RANBP2: variants seen among roughly 807,000 people sequenced by gnomAD.
The protein encoded by RANBP2 is E3 SUMO-protein ligase RanBP2.
RANBP2 carries 57 observed loss-of-function variants against 303.6 expected under a neutral mutation model. The ratio of observed to expected loss-of-function variants is 0.19; its 90% confidence interval spans 0.15 to 0.23. The LOEUF (loss-of-function observed/expected upper bound fraction) is 0.23, where lower values mean the gene tolerates loss of function less well. Ranked by LOEUF, RANBP2 falls within the 10% of genes least tolerant of loss-of-function variation. The probability of loss-of-function intolerance (pLI) is 1.00; values close to 1 mark genes in which losing one functional copy is unlikely to be tolerated. For missense variants in RANBP2, 3,138 were observed against 3,780.8 expected (o/e 0.83, Z 4.46); for synonymous variants, 1,167 against 1,301.5 (o/e 0.90, Z 2.23).
chr2:109,385,405 C>T, the RANBP2 span, among the ~76,000 whole-genome samples: 2 of 152,200 alleles, frequency 1.3e-5, no homozygotes, highest in Non-Finnish European at 2.9e-5. Context: ...GAAGAAGCCC[C>T]CATGTCCTGT....
At chr2:109,384,764 G>A in the RANBP2 span, among the ~76,000 whole-genome samples, 2 of 152,084 alleles carry the variant, frequency 1.3e-5, no homozygotes, top group Non-Finnish European at 2.9e-5. Context: ...TAAAAGTTTC[G>A]AGCTCTGGTC....
chr2:109,067,305 A>G, the RANBP2 span, among the ~76,000 whole-genome samples: 2 of 152,192 alleles, frequency 1.3e-5, no homozygotes, highest in Non-Finnish European at 2.9e-5. Flanking sequence ...TTACCTCTCC[A>G]TCTATTTATA....
the RANBP2 span, among the ~76,000 whole-genome samples, chr2:109,512,276 C>T: frequency 5.9e-5 from 9 of 152,010 alleles, no homozygotes; most frequent in East Asian, 1.9e-4. Flanking sequence ...CCATGTGTCC[C>T]GGCCCTCCCT....
the RANBP2 span, among the ~76,000 whole-genome samples, chr2:108,830,672 G>C: frequency 2.0e-5 from 3 of 152,004 alleles, no homozygotes; most frequent in Admixed American, 2.0e-4. Context: ...GCTGGGTGTT[G>C]TGGTGGGCAC....
the RANBP2 span, chr2:109,449,285 G>A: frequency 1.2e-6 from 2 of 1,609,876 alleles, no homozygotes; most frequent in Non-Finnish European, 1.7e-6. Context: ...ACTCGGTGGT[G>A]TCCCCGCAGC....
At chr2:109,191,775 C>T in the RANBP2 span, among the ~76,000 whole-genome samples, 77,743 of 152,058 alleles carry the variant, frequency 0.51, 20,478 homozygotes, top group South Asian at 0.61. Context: ...ATCACAGTCA[C>T]AGTCACCTGT....
At chr2:109,409,922 G>T in the RANBP2 span, among the ~76,000 whole-genome samples, 1 of 152,104 alleles carries the variant, frequency 6.6e-6, no homozygotes, top group Admixed American at 6.5e-5. Flanking sequence ...GTGTTTTCTG[G>T]ACTTACATTA....
the RANBP2 span, among the ~76,000 whole-genome samples, chr2:109,650,560 C>T: frequency 6.6e-6 from 1 of 152,202 alleles, no homozygotes; most frequent in Non-Finnish European, 1.5e-5. Context: ...TGTGGTTTGA[C>T]TGTGTCCCCA....
chr2:109,343,671 C>A, the RANBP2 span, among the ~76,000 whole-genome samples: 1 of 152,074 alleles, frequency 6.6e-6, no homozygotes, highest in East Asian at 1.9e-4. Context: ...GGTGGGTTAC[C>A]ACCTGTGGAG....
the RANBP2 span, among the ~76,000 whole-genome samples, chr2:109,358,552 T>C: frequency 6.6e-6 from 1 of 152,226 alleles, no homozygotes; most frequent in South Asian, 2.1e-4. Context: ...CACATCCTCA[T>C]CAACACACTA....
chr2:108,837,114 G>C, the RANBP2 span, among the ~76,000 whole-genome samples: 1 of 152,108 alleles, frequency 6.6e-6, no homozygotes, highest in East Asian at 1.9e-4. Flanking sequence ...TGCTTGTCTT[G>C]TTCCTGATTT....
At chr2:109,682,779 T>TA in the RANBP2 span, among the ~76,000 whole-genome samples, 2 of 152,080 alleles carry the variant, frequency 1.3e-5, no homozygotes, top group African/African-American at 4.8e-5. Flanking sequence ...TCTCTATTAT[T>TA]TATATATATG....
At chr2:109,586,931 T>C in the RANBP2 span, among the ~76,000 whole-genome samples, 4 of 152,104 alleles carry the variant, frequency 2.6e-5, no homozygotes, top group Admixed American at 2.6e-4. Flanking sequence ...TTCAAGACTC[T>C]GCAGAAGAAG....
the RANBP2 span, among the ~76,000 whole-genome samples, chr2:109,633,582 C>T: frequency 2.0e-5 from 3 of 152,214 alleles, no homozygotes; most frequent in African/African-American, 7.2e-5. Context: ...CAAGAAGGGG[C>T]CATCCAGCAG....
chr2:109,446,428 C>T, the RANBP2 span, among the ~76,000 whole-genome samples: 1 of 152,206 alleles, frequency 6.6e-6, no homozygotes, highest in South Asian at 2.1e-4. Flanking sequence ...AATAATCAGC[C>T]TCCAGCGAAC....
the RANBP2 span, among the ~76,000 whole-genome samples, chr2:109,447,590 A>T: frequency 6.6e-6 from 1 of 152,126 alleles, no homozygotes; most frequent in Non-Finnish European, 1.5e-5. Context: ...CACTTGGTAT[A>T]AAGCAGTGTC....
chr2:109,078,275 T>C, the RANBP2 span, among the ~76,000 whole-genome samples: 12 of 49,644 alleles, frequency 2.4e-4, 3 homozygotes, highest in Non-Finnish European at 3.0e-4. Context: ...CGCGTATATA[T>C]ATATATATAT....
chr2:109,574,601 T>C, the RANBP2 span: 5 of 1,574,432 alleles, frequency 3.2e-6, no homozygotes, highest in African/African-American at 1.4e-5. Flanking sequence ...AGGTTCTTCA[T>C]GGTTAAGAGA....
At chr2:109,621,721 G>A in the RANBP2 span, among the ~76,000 whole-genome samples, 1 of 151,868 alleles carries the variant, frequency 6.6e-6, no homozygotes, top group African/African-American at 2.4e-5. Context: ...AGACCAGCCT[G>A]GCCAACATAA....
Sources: gnomAD v4.1 joint callset for allele counts (sites outside exome capture counted in the v4.1 genomes callset) on GRCh38, gnomAD v4.1.1 for gene constraint, MANE v1.5 for transcripts, NCBI Gene and HGNC (gene_info 2026-07-23, HGNC 2026-07-21) for gene names.